The following NCOA2 variants were observed in gnomAD, a reference collection of about 807,000 sequenced individuals.
NCOA2 encodes the protein class E basic helix-loop-helix protein 75.
NCOA2 carries 21 observed loss-of-function variants against 145.1 expected under a neutral mutation model. The observed-to-expected ratio is 0.14, with a 90% CI of 0.10 to 0.21. NCOA2 has a LOEUF of 0.21. NCOA2 is among the 10% of genes least tolerant of loss of function. The probability of loss-of-function intolerance (pLI) is 1.00; values close to 1 mark genes in which losing one functional copy is unlikely to be tolerated. For synonymous variants in NCOA2, 619 were observed against 637.5 expected, an observed-to-expected ratio of 0.97 and a Z score of 0.44; for missense variants, 1,472 against 1,837.6, an observed-to-expected ratio of 0.80 and a Z score of 3.64.
intron 1 of NCOA2, among the ~76,000 whole-genome samples, chr8:70,357,868 T>C (rs1040542485): frequency 2.0e-5 from 3 of 151,700 alleles, no homozygotes; most frequent in African/African-American, 7.3e-5. Context: ...CTGGGCAACA[T>C]GGTGAAATCC....
chr8:70,206,249 G>A (rs114299139), intron 4 of NCOA2, among the ~76,000 whole-genome samples: 1,717 of 152,066 alleles, frequency 0.011, 41 homozygotes, highest in African/African-American at 0.039. Context: ...ACCTGCAAGT[G>A]GGTACTTCTG....
chr8:70,217,594 T>C (rs1819747039), intron 2 of NCOA2, among the ~76,000 whole-genome samples: 1 of 152,082 alleles, frequency 6.6e-6, no homozygotes, highest in African/African-American at 2.4e-5. Flanking sequence ...GATCAGCTCC[T>C]GCTTGCTGAA....
At chr8:70,369,534 T>A (rs553927654) in intron 1 of NCOA2, among the ~76,000 whole-genome samples, 1 of 152,342 alleles carries the variant, frequency 6.6e-6, no homozygotes, top group African/African-American at 2.4e-5. Flanking sequence ...ACAATGAGTT[T>A]CACTGTGTCT....
intron 2 of NCOA2, chr8:70,273,516 T>C: frequency 1.5e-6 from 1 of 680,950 alleles, no homozygotes; most frequent in South Asian, 1.5e-5. Context: ...TTAAAGAAGT[T>C]AGAAATCTCT....
chr8:70,138,216 C>G lies in NCOA2; in HGVS notation c.3145G>C (p.Ala1049Pro). The G allele has an allele frequency of 6.2e-7, 1 of 1,612,960 alleles. No individual in the cohort carries two copies. The highest frequency in any genetic ancestry group is 8.5e-7 in the Non-Finnish European group (1 of 1,179,588). The stretch of plus-strand genomic sequence containing the variant: ...CTCAGGACTCACCTGTTTTGGCTGG[C>G]AAAAGACGCCTGGTCTATAGGCAGG... ...SILPIDQASF[A>P]SQNRQPFGSS... Residue 1049 changes from alanine (A) to proline (P), a missense_variant, in exon 15 of 23, where the codon GCC becomes CCC. By Grantham distance (27) the Ala-to-Pro change is conservative. Around this residue, in one of 4 missense-constraint regions of NCOA2, gnomAD observed 953 missense variants for 1,062.1 expected, o/e 0.90. Transcript: ENST00000452400.
At chr8:70,197,748 TTC>T in intron 4 of NCOA2, among the ~76,000 whole-genome samples, 1 of 152,216 alleles carries the variant, frequency 6.6e-6, no homozygotes, top group Non-Finnish European at 1.5e-5. Flanking sequence ...CTTAAATGTG[TTC>T]TTTTTCTTCA....
rs4512409 is a variant in NCOA2, at chr8:70,194,470, G to C, written c.259+19433C>G. ...TAACAAGGCCAGTGTTGTTTATCTA[G>C]AGGTTACATCGCACAAGTGAAGATG... On this transcript the variant is annotated intron_variant, in intron 4 of 22. Transcript: ENST00000452400. Among the ~76,000 whole-genome samples, 5 of 151,978 alleles carry C rather than the reference G, an allele frequency of 3.3e-5. No homozygotes were observed. The South Asian group carries it at 1.0e-3, about 32-fold the overall frequency.
At chr8:70,251,318 G>A (rs1385630815) in intron 2 of NCOA2, among the ~76,000 whole-genome samples, 2 of 152,168 alleles carry the variant, frequency 1.3e-5, no homozygotes, top group East Asian at 3.8e-4. Flanking sequence ...CACAAAAGAG[G>A]GCTGAGGAGA....
At chr8:70,412,969 A>C in the NCOA2 span, among the ~76,000 whole-genome samples, 1 of 151,814 alleles carries the variant, frequency 6.6e-6, no homozygotes, top group Non-Finnish European at 1.5e-5. Flanking sequence ...GTGGTGGTGC[A>C]CACCTGTAAT....
intron 2 of NCOA2, among the ~76,000 whole-genome samples, chr8:70,290,905 CA>C (rs1826630557): frequency 6.6e-6 from 1 of 152,056 alleles, no homozygotes; most frequent in African/African-American, 2.4e-5. Context: ...TTAGCTGACT[CA>C]AATTCAGCAC....
rs1042086788 is a variant in NCOA2 at position 70,291,874 on chromosome 8, C to T, written c.-20+4870G>A. Among the ~76,000 whole-genome samples, 5 of 152,044 alleles carry T rather than the reference C, an allele frequency of 3.3e-5. No individual in the cohort carries two copies. The East Asian group carries it at 7.9e-4, about 24-fold the overall frequency. ...CAGCACTTTGGGAGGCCGAGGCGGG[C>T]GGATCACAAGGTCAGTAGATTGAGA... On this transcript the variant is annotated intron_variant, in intron 2 of 22. Coordinates refer to ENST00000452400, the MANE Select transcript of NCOA2 (RefSeq NM_006540.4).
chr8:70,415,138 T>C, the NCOA2 span, among the ~76,000 whole-genome samples: 1,673 of 152,106 alleles, frequency 0.011, 14 homozygotes, highest in Middle Eastern at 0.02. Flanking sequence ...CCCCCATCTC[T>C]ACAAAAAACT....
intron 4 of NCOA2, among the ~76,000 whole-genome samples, chr8:70,210,734 TC>T (rs1818930829): frequency 6.6e-6 from 1 of 151,986 alleles, no homozygotes; most frequent in African/African-American, 2.4e-5. Context: ...GGCTGACACG[TC>T]ATAGCTTCTG....
chr8:70,431,389 G>C, the NCOA2 span, among the ~76,000 whole-genome samples: 3 of 152,110 alleles, frequency 2.0e-5, no homozygotes, highest in Non-Finnish European at 4.4e-5. Flanking sequence ...ATTGCCAAAG[G>C]ATAATGCTGT....
chr8:70,196,073 G>C (rs1817274996), intron 4 of NCOA2, among the ~76,000 whole-genome samples: 1 of 152,186 alleles, frequency 6.6e-6, no homozygotes, highest in African/African-American at 2.4e-5. Context: ...TCTGGAGGAG[G>C]AAGAAGAATA....
chr8:70,352,543 TA>T (rs1809339887), intron 1 of NCOA2, among the ~76,000 whole-genome samples: 1 of 152,220 alleles, frequency 6.6e-6, no homozygotes, highest in African/African-American at 2.4e-5. Flanking sequence ...TTTTTTCCTA[TA>T]TAAGTTTAAA....
At chr8:70,336,374 C>T (rs1181270089) in intron 1 of NCOA2, among the ~76,000 whole-genome samples, 1 of 152,122 alleles carries the variant, frequency 6.6e-6, no homozygotes, top group Non-Finnish European at 1.5e-5. Flanking sequence ...CCAGTCCACC[C>T]ATATTGTAAC....
At chr8:70,337,166 T>C (rs952300049) in intron 1 of NCOA2, among the ~76,000 whole-genome samples, 5 of 152,036 alleles carry the variant, frequency 3.3e-5, no homozygotes, top group African/African-American at 1.2e-4. Flanking sequence ...TAAGTGTTTG[T>C]ACACACAATT....
At chr8:70,207,176 C>T (rs1271766350) in intron 4 of NCOA2, among the ~76,000 whole-genome samples, 2 of 152,160 alleles carry the variant, frequency 1.3e-5, no homozygotes, top group Non-Finnish European at 2.9e-5. Context: ...GCAATACATA[C>T]AGTATTGATG....
Sources: gnomAD v4.1 joint callset for allele counts (sites outside exome capture counted in the v4.1 genomes callset) on GRCh38, gnomAD v4.1.1 for gene constraint, gnomAD v4.1.1 regional missense constraint, MANE v1.5 for transcripts, NCBI Gene and HGNC (gene_info 2026-07-23, HGNC 2026-07-21) for gene names.